Variants in WWP2 observed in about 807,000 individuals in gnomAD.
The protein encoded by WWP2 is WW domain containing E3 ubiquitin protein ligase 2.
WWP2 carries 57 observed loss-of-function variants against 121.0 expected under a neutral mutation model. The observed-to-expected ratio is 0.47, with a 90% CI of 0.38 to 0.59. WWP2 has a LOEUF of 0.59. WWP2 is among the 20% of genes least tolerant of loss of function. The pLI is 0.00. For synonymous variants in WWP2, 449 were observed against 441.3 expected (o/e 1.02, Z -0.22); for missense variants, 962 against 1,158.9 (o/e 0.83, Z 2.47).
At position 69,880,801 on chromosome 16, in the gene WWP2, C is replaced by A. The variant is rs528677348; in HGVS notation, c.704-7238C>A. On this transcript the variant is annotated intron_variant, in intron 7 of 23. Transcript: ENST00000359154. ...TGTGGCCCACATGTTACGAGCTGAT[C>A]TTCAGTAGAAAGAACTTCTGTTGTT... Among the ~76,000 whole-genome samples, 144 of 152,260 alleles carry A rather than the reference C, an allele frequency of 9.5e-4. 2 individuals carry two copies. The highest frequency in any genetic ancestry group is 3.3e-3 in the African/African-American group (138 of 41,544).
intron 8 of WWP2, among the ~76,000 whole-genome samples, chr16:69,896,811 CCTGGATGA>C (rs1342793390): frequency 7.9e-5 from 12 of 151,716 alleles, no homozygotes; most frequent in Non-Finnish European, 1.2e-4. Flanking sequence ...CAGTTTCCTA[CCTGGATGA>C]TTTCATGCAG....
chr16:69,889,146 TACACACAC>T (rs143311481), intron 8 of WWP2, among the ~76,000 whole-genome samples: 15 of 146,144 alleles, frequency 1.0e-4, no homozygotes, highest in Admixed American at 3.4e-4. Context: ...ATATCCTGCC[TACACACAC>T]ACACACACAC....
At chr16:69,915,112 C>T (rs953493053) in intron 9 of WWP2, among the ~76,000 whole-genome samples, 1 of 152,226 alleles carries the variant, frequency 6.6e-6, no homozygotes, top group African/African-American at 2.4e-5. Context: ...AGAGGAAGGC[C>T]ACTGCCAGGC....
At chr16:69,909,669 AT>A in intron 9 of WWP2, 1 of 985,464 alleles carries the variant, frequency 1.0e-6, no homozygotes. Flanking sequence ...TTGAAGTCAA[AT>A]GAAGTTACCA....
chr16:69,844,475 C>G (rs1019370936), intron 6 of WWP2, among the ~76,000 whole-genome samples: 1 of 152,074 alleles, frequency 6.6e-6, no homozygotes, highest in African/African-American at 2.4e-5. Flanking sequence ...ACCCATATAA[C>G]TTAATTTGGG....
At chr16:69,864,620 G>T (rs2057485246) in intron 6 of WWP2, among the ~76,000 whole-genome samples, 1 of 150,230 alleles carries the variant, frequency 6.7e-6, no homozygotes, top group Non-Finnish European at 1.5e-5. Context: ...CACAATTTTG[G>T]CTCACTGCCA....
At position 69,871,835 on chromosome 16, in the gene WWP2, A is replaced by G. The variant is rs752219825; in HGVS notation, c.607A>G (p.Thr203Ala). Residue 203 changes from threonine (T) to alanine (A), a missense_variant, in exon 7 of 24, where the codon ACA becomes GCA. By Grantham distance (58) the Thr-to-Ala change is moderately conservative. Transcript: ENST00000359154. ...CAGACATTCGGGTGCTTCAGCCAGA[A>G]CAACCCCAGCAACCGGCGAGCAAAG... ...THRHSGASAR[T>A]TPATGEQSPG... 8 of 1,614,008 alleles carry G rather than the reference A, an allele frequency of 5.0e-6. No individual in the cohort carries two copies. Among genetic ancestry groups the G allele is most frequent in the Non-Finnish European group, 6.8e-6 (8 of 1,180,032 alleles).
intron 11 of WWP2, among the ~76,000 whole-genome samples, chr16:69,927,160 G>C (rs534845099): frequency 6.6e-6 from 1 of 152,218 alleles, no homozygotes; most frequent in African/African-American, 2.4e-5. Flanking sequence ...GAACATTCTG[G>C]CTAAAGGCCA....
chr16:69,834,621 G>GTTTTTTT, intron 4 of WWP2, among the ~76,000 whole-genome samples: 2 of 151,216 alleles, frequency 1.3e-5, no homozygotes, highest in Admixed American at 6.6e-5. Flanking sequence ...CTGTTTTCCG[G>GTTTTTTT]GTTCAAGCGA....
At chr16:69,895,403 T>C (rs2058091134) in intron 8 of WWP2, among the ~76,000 whole-genome samples, 1 of 152,218 alleles carries the variant, frequency 6.6e-6, no homozygotes, top group African/African-American at 2.4e-5. Context: ...AATCCTTTAA[T>C]TCTATACTCT....
At chr16:69,778,646 C>T (rs964164206) in intron 1 of WWP2, among the ~76,000 whole-genome samples, 14 of 151,894 alleles carry the variant, frequency 9.2e-5, no homozygotes, top group African/African-American at 1.7e-4. Flanking sequence ...TCTATAGTTA[C>T]GGTTATTTCT....
At chr16:69,919,787 C>CTTTTTT (rs1326246941) in intron 10 of WWP2, among the ~76,000 whole-genome samples, 3 of 124,416 alleles carry the variant, frequency 2.4e-5, no homozygotes, top group Admixed American at 8.1e-5. Context: ...GGGTCCCTGA[C>CTTTTTT]TTTTTTTTTT....
chr16:69,796,714 G>A (rs2056055007), intron 2 of WWP2, among the ~76,000 whole-genome samples: 1 of 152,124 alleles, frequency 6.6e-6, no homozygotes, highest in East Asian at 1.9e-4. Flanking sequence ...ACCTTGGTCC[G>A]TGTGTAAATC....
intron 6 of WWP2, among the ~76,000 whole-genome samples, chr16:69,853,959 A>G (rs1477808474): frequency 6.7e-6 from 1 of 149,650 alleles, no homozygotes; most frequent in African/African-American, 2.6e-5. Context: ...GCTCTGGGGC[A>G]GAGTCATTTC....
intron 7 of WWP2, among the ~76,000 whole-genome samples, chr16:69,885,494 G>A (rs1240722934): frequency 6.6e-6 from 1 of 152,206 alleles, no homozygotes. Flanking sequence ...GCTCTTACCT[G>A]TTTGTTAAGA....
At chr16:69,921,887 A>G (rs570357875) in intron 10 of WWP2, among the ~76,000 whole-genome samples, 1 of 151,994 alleles carries the variant, frequency 6.6e-6, no homozygotes, top group East Asian at 1.9e-4. Context: ...CATCCTGGCC[A>G]ACATGGTGAA....
At chr16:69,901,333 G>A (rs745717247) in intron 8 of WWP2, among the ~76,000 whole-genome samples, 32 of 152,190 alleles carry the variant, frequency 2.1e-4, no homozygotes, top group Non-Finnish European at 4.1e-4. Context: ...TACTTCCAGT[G>A]TATTCTTCTT....
intron 7 of WWP2, among the ~76,000 whole-genome samples, chr16:69,886,628 C>T (rs776845940): frequency 1.5e-4 from 23 of 152,242 alleles, no homozygotes; most frequent in Admixed American, 3.3e-4. Flanking sequence ...GGTGTGGTGG[C>T]GCACACCTGT....
intron 6 of WWP2, among the ~76,000 whole-genome samples, chr16:69,844,058 A>G (rs2151877408): frequency 6.6e-6 from 1 of 152,298 alleles, no homozygotes; most frequent in East Asian, 1.9e-4. Context: ...GAGCAAGACA[A>G]GATGGACGTT....
Sources: allele counts gnomAD v4.1 joint callset (sites outside exome capture counted in the v4.1 genomes callset), GRCh38; gene constraint gnomAD v4.1.1; transcripts MANE v1.5; gene names NCBI Gene and HGNC (gene_info 2026-07-23, HGNC 2026-07-21).